ZMYM2: variants seen among roughly 807,000 people sequenced by gnomAD.
The protein encoded by ZMYM2 is zinc finger MYM-type containing 2.
A neutral mutation model predicts 162.8 loss-of-function variants in ZMYM2; 56 were observed. That is an observed-to-expected ratio of 0.34 (90% confidence interval 0.28 to 0.43). The LOEUF (loss-of-function observed/expected upper bound fraction) is 0.43. ZMYM2 is among the 20% of genes least tolerant of loss of function. ZMYM2 has a pLI of 1.00. For synonymous variants in ZMYM2, 510 were observed against 541.6 expected (o/e 0.94, Z 0.81); for missense variants, 1,275 against 1,621.8 (o/e 0.79, Z 3.67).
At chr13:20,035,756 T>G (rs1953633080) in intron 11 of ZMYM2, among the ~76,000 whole-genome samples, 1 of 152,164 alleles carries the variant, frequency 6.6e-6, no homozygotes, top group South Asian at 2.1e-4. Flanking sequence ...ATGACATATT[T>G]TTTGCTTTCT....
the ZMYM2 span, among the ~76,000 whole-genome samples, chr13:19,925,216 T>C: frequency 8.5e-5 from 13 of 152,332 alleles, no homozygotes; most frequent in South Asian, 2.7e-3. Context: ...TTTTCTATAG[T>C]GGCTGTGCTG....
At chr13:19,931,790 A>G in the ZMYM2 span, among the ~76,000 whole-genome samples, 1 of 152,204 alleles carries the variant, frequency 6.6e-6, no homozygotes, top group South Asian at 2.1e-4. Flanking sequence ...TACCTGGCTA[A>G]TTTTTAAAAC....
At chr13:19,914,047 G>T in the ZMYM2 span, among the ~76,000 whole-genome samples, 1 of 152,186 alleles carries the variant, frequency 6.6e-6, no homozygotes, top group Non-Finnish European at 1.5e-5. Flanking sequence ...TGTTCATTTT[G>T]TTAGAAGGAG....
intron 2 of ZMYM2, among the ~76,000 whole-genome samples, chr13:19,981,515 C>T (rs1957324258): frequency 6.6e-6 from 1 of 152,112 alleles, no homozygotes; most frequent in Non-Finnish European, 1.5e-5. Context: ...ACATTTCCTG[C>T]CTCTGACCTG....
rs192022526 is a variant in ZMYM2, at chr13:20,078,058, C to G, written c.3454-3958C>G. 3.4e-3 allele frequency among the ~76,000 whole-genome samples: 512 copies of G among 152,084 alleles called. 4 individuals are homozygous for G. The highest frequency in any genetic ancestry group is 0.012 in the African/African-American group (498 of 41,506). On this transcript the variant is annotated intron_variant, in intron 21 of 24. Transcript: ENST00000610343. Reference sequence around the variant, plus strand: ...GGTCTCGATCTCCTGACCTCATGATCCACCCGCCTCGGCCTCCCACAGTGC... The same window carrying G: ...GGTCTCGATCTCCTGACCTCATGATGCACCCGCCTCGGCCTCCCACAGTGC...
intron 14 of ZMYM2, among the ~76,000 whole-genome samples, chr13:20,057,269 ATTAT>A (rs1372030787): frequency 3.3e-5 from 5 of 151,874 alleles, no homozygotes; most frequent in African/African-American, 9.7e-5. Context: ...TGTCCGGCTA[ATTAT>A]TTATTTATTT....
At position 20,034,976 on chromosome 13, in the gene ZMYM2, T is replaced by G. The variant is rs142750750; in HGVS notation, c.2119+572T>G. Among the ~76,000 whole-genome samples, 35 of 152,302 alleles carry G rather than the reference T, an allele frequency of 2.3e-4. No homozygotes were observed. In the East Asian group the frequency reaches 5.8e-3, roughly 25 times the overall value. On this transcript the variant is annotated intron_variant, in intron 11 of 24. Coordinates refer to ENST00000610343, the MANE Select transcript of ZMYM2 (RefSeq NM_197968.4). ...TGAATTCAAATTCTAAATCTACTTA[T>G]CCAGAGATAGGAACTAGGATTGTAG...
At chr13:19,936,853 A>G in the ZMYM2 span, among the ~76,000 whole-genome samples, 4 of 152,284 alleles carry the variant, frequency 2.6e-5, no homozygotes, top group East Asian at 7.7e-4. Context: ...TAGATTTACT[A>G]AAATATACCA....
the ZMYM2 span, among the ~76,000 whole-genome samples, chr13:19,933,990 A>G: frequency 6.6e-6 from 1 of 152,124 alleles, no homozygotes; most frequent in Non-Finnish European, 1.5e-5. Flanking sequence ...TTACTTTCAT[A>G]TTAGGACTTT....
the ZMYM2 span, among the ~76,000 whole-genome samples, chr13:19,893,149 A>C: frequency 1.3e-5 from 2 of 150,884 alleles, no homozygotes; most frequent in Non-Finnish European, 2.9e-5. Flanking sequence ...TGGTTAAAAT[A>C]GGGCTGCACA....
In ZMYM2 at chr13:20,034,396, G is replaced by T; in HGVS notation, c.2111G>T (p.Cys704Phe). Residue 704 changes from cysteine to phenylalanine, a missense_variant, in exon 11 of 25, where the codon TGT becomes TTT. Cys to Phe is a radical substitution (Grantham distance 205). This residue lies in a region of ZMYM2 where 177 missense variants were observed against 228.0 expected (regional missense o/e 0.78). Coordinates refer to ENST00000610343, the MANE Select transcript of ZMYM2 (RefSeq NM_197968.4). Reference sequence around the variant, plus strand: ...TTCTCTGGCGTTAAGAGACCTTTCTGTAGTGAAGGCAAGTTGCATATACAG... The same window carrying T: ...TTCTCTGGCGTTAAGAGACCTTTCTTTAGTGAAGGCAAGTTGCATATACAG... ...VNFSGVKRPF[C>F]SEGCKLLYKQ... The T allele has an allele frequency of 6.3e-7, 1 of 1,588,254 alleles. No individual in the cohort carries two copies.
At chr13:19,897,211 CA>C in the ZMYM2 span, among the ~76,000 whole-genome samples, 2 of 151,628 alleles carry the variant, frequency 1.3e-5, no homozygotes, top group African/African-American at 4.8e-5. Flanking sequence ...AAATTAGAGA[CA>C]AAAAAAGTTA....
intron 6 of ZMYM2, among the ~76,000 whole-genome samples, chr13:20,012,042 G>A (rs553239851): frequency 3.2e-4 from 49 of 152,000 alleles, no homozygotes; most frequent in African/African-American, 9.9e-4. Context: ...GAGCCACAGC[G>A]CCTGGGCTAA....
rs556659734 is a variant in ZMYM2 at position 20,027,329 on chromosome 13, T to C, written c.1851+11T>C. ...GTGGCTAAATTTCAGGTTTGTCGTT[T>C]ATTTTGCATAACCCATGCCCCCAAT... On this transcript the variant is annotated intron_variant, in intron 9 of 24. Coordinates refer to ENST00000610343, the MANE Select transcript of ZMYM2 (RefSeq NM_197968.4). 6 of 1,541,444 alleles carry C rather than the reference T, an allele frequency of 3.9e-6. No individual in the cohort carries two copies. The South Asian group carries it at 4.8e-5, about 12-fold the overall frequency.
chr13:19,926,555 G>T, the ZMYM2 span, among the ~76,000 whole-genome samples: 2 of 151,320 alleles, frequency 1.3e-5, no homozygotes, highest in Non-Finnish European at 2.9e-5. Flanking sequence ...GTAGAGAAGA[G>T]GTTTCTCCAT....
At position 20,085,831 on chromosome 13, in the gene ZMYM2, T is replaced by C. The variant is rs374447547; in HGVS notation, c.3951T>C (p.Asn1317=). 69 of 1,605,604 alleles carry C rather than the reference T, an allele frequency of 4.3e-5. No homozygotes were observed. Among genetic ancestry groups the C allele is most frequent in the Middle Eastern group, 1.7e-4 (1 of 6,046 alleles). Reference sequence around the variant, plus strand: ...CCTCCCGCCTCCAAAGTCCACAGAATCTTAATCAGAGGATGGATGTTTTTT... The same window carrying C: ...CCTCCCGCCTCCAAAGTCCACAGAACCTTAATCAGAGGATGGATGTTTTTT... ...FECYLSKSPQ[N]LNQRMDVFYL... The change falls in exon 25 of 25, where the codon AAT becomes AAC. Residue 1317 remains asparagine, a synonymous_variant. Coordinates refer to ENST00000610343, the MANE Select transcript of ZMYM2 (RefSeq NM_197968.4).
At chr13:19,996,756 C>T (rs1171301132) in intron 3 of ZMYM2, among the ~76,000 whole-genome samples, 1 of 152,104 alleles carries the variant, frequency 6.6e-6, no homozygotes, top group African/African-American at 2.4e-5. Context: ...CATGGTGGTG[C>T]ACACCTGTAG....
intron 3 of ZMYM2, among the ~76,000 whole-genome samples, chr13:19,997,061 G>C (rs1418927817): frequency 6.6e-6 from 1 of 152,180 alleles, no homozygotes; most frequent in Non-Finnish European, 1.5e-5. Context: ...CCTGAGTAAA[G>C]ATGACCACTA....
the ZMYM2 span, among the ~76,000 whole-genome samples, chr13:19,867,350 CAA>C: frequency 9.9e-5 from 10 of 101,508 alleles, no homozygotes; most frequent in Admixed American, 1.1e-4. Flanking sequence ...AACTCCATCT[CAA>C]AAAAAAAAAA....
Sources: allele counts gnomAD v4.1 joint callset (sites outside exome capture counted in the v4.1 genomes callset), GRCh38; gene constraint gnomAD v4.1.1; regional missense constraint gnomAD v4.1.1; transcripts MANE v1.5; gene names NCBI Gene and HGNC (gene_info 2026-07-23, HGNC 2026-07-21).